Variants in SLC9C1 observed in about 807,000 individuals in gnomAD.
SLC9C1 encodes solute carrier family 9 member C1.
SLC9C1 carries 97 observed loss-of-function variants against 140.9 expected under a neutral mutation model. That is an observed-to-expected ratio of 0.69 (90% CI 0.58 to 0.82). SLC9C1 has a LOEUF of 0.82. Ranked by LOEUF, SLC9C1 falls within the 40% of genes least tolerant of loss-of-function variation. SLC9C1 has a pLI of 0.00. For missense variants in SLC9C1, 1,340 were observed against 1,389.3 expected (o/e 0.96, Z 0.56); for synonymous variants, 440 against 442.6 (o/e 0.99, Z 0.07).
intron 16 of SLC9C1, among the ~76,000 whole-genome samples, chr3:112,205,054 C>A (rs2078008146): frequency 1.3e-5 from 2 of 151,918 alleles, no homozygotes; most frequent in African/African-American, 4.8e-5. Context: ...CTGGCCAGGG[C>A]AATCAGGCAG....
intron 15 of SLC9C1, among the ~76,000 whole-genome samples, chr3:112,211,984 G>A (rs2078221045): frequency 6.6e-6 from 1 of 152,174 alleles, no homozygotes; most frequent in Non-Finnish European, 1.5e-5. Flanking sequence ...ACCTCACAAG[G>A]CCGAGTAACC....
At chr3:112,268,220 G>A (rs2079977021) in intron 7 of SLC9C1, among the ~76,000 whole-genome samples, 1 of 152,092 alleles carries the variant, frequency 6.6e-6, no homozygotes, top group South Asian at 2.1e-4. Context: ...TGAATTAACT[G>A]ATCATTCTCT....
At chr3:112,143,820 G>A (rs923364269) in intron 28 of SLC9C1, among the ~76,000 whole-genome samples, 6 of 152,082 alleles carry the variant, frequency 3.9e-5, no homozygotes, top group South Asian at 2.1e-4. Context: ...GGCCAGTGTC[G>A]AGAATAGTGT....
At chr3:112,147,920 T>C (rs2074852312) in intron 28 of SLC9C1, among the ~76,000 whole-genome samples, 1 of 152,220 alleles carries the variant, frequency 6.6e-6, no homozygotes, top group South Asian at 2.1e-4. Flanking sequence ...AAGTTTGATT[T>C]CTTTATATAA....
At chr3:112,172,427 T>G (rs963222765) in intron 23 of SLC9C1, among the ~76,000 whole-genome samples, 7 of 152,302 alleles carry the variant, frequency 4.6e-5, no homozygotes, top group African/African-American at 1.4e-4. Flanking sequence ...ACCATCTTAC[T>G]AAATTCATTA....
chr3:112,272,538 T>C (rs1352844516), intron 6 of SLC9C1, among the ~76,000 whole-genome samples: 3 of 152,226 alleles, frequency 2.0e-5, no homozygotes, highest in African/African-American at 4.8e-5. Flanking sequence ...TCAAATGAAA[T>C]AGCAGTAAAG....
In SLC9C1 at chr3:112,208,313, T is replaced by C. The variant is rs923891615; in HGVS notation, c.1851A>G (p.Gly617=). The part of the protein sequence containing the change: ...IVFTEEFEHV[G]YLVILMNIFP... ...ATATATTCATTAATATCACAAGGTA[T>C]CCAACATGTTCAAATTCCTCAGTAA... The change falls in exon 16 of 29, where the codon GGA becomes GGG. Residue 617 remains glycine (G), a synonymous_variant. Coordinates refer to ENST00000305815, the MANE Select transcript of SLC9C1 (RefSeq NM_183061.3). The C allele has an allele frequency of 6.2e-7, 1 of 1,607,472 alleles. No homozygotes were observed. Among genetic ancestry groups the C allele is most frequent in the East Asian group, 2.2e-5 (1 of 44,716 alleles).
chr3:112,201,934 T>A (rs755093975), intron 18 of SLC9C1, among the ~76,000 whole-genome samples: 2 of 152,006 alleles, frequency 1.3e-5, no homozygotes, highest in Non-Finnish European at 2.9e-5. Flanking sequence ...CAGTACTTCC[T>A]ATTTTACACA....
intron 2 of SLC9C1, among the ~76,000 whole-genome samples, chr3:112,285,036 G>C (rs7650498): frequency 0.6 from 83,811 of 139,226 alleles, 25,593 homozygotes; most frequent in East Asian, 0.79. Flanking sequence ...ACCCAGGCTG[G>C]AATGCAGTGG....
In SLC9C1 at chr3:112,206,746, G is replaced by A. The variant is rs556461592; in HGVS notation, c.1986+1432C>T. Among the ~76,000 whole-genome samples the A allele has an allele frequency of 3.2e-3, 477 of 148,676 alleles. 4 individuals carry two copies. Among genetic ancestry groups the A allele is most frequent in the African/African-American group, 0.011 (451 of 40,110 alleles). ...TTCTGAGCAAACTATCACAAGGACA[G>A]AAAACCAAACACCACATATTCTCAC... On this transcript the variant is annotated intron_variant, in intron 16 of 28. Transcript: ENST00000305815.
At chr3:112,272,144 T>C (rs1008423808) in intron 6 of SLC9C1, among the ~76,000 whole-genome samples, 4 of 152,204 alleles carry the variant, frequency 2.6e-5, no homozygotes, top group African/African-American at 9.7e-5. Context: ...GGCAATAATT[T>C]TGAGTCCAGC....
At chr3:112,213,454 G>C (rs1031256678) in intron 15 of SLC9C1, among the ~76,000 whole-genome samples, 2 of 152,136 alleles carry the variant, frequency 1.3e-5, no homozygotes, top group Non-Finnish European at 2.9e-5. Flanking sequence ...TCTGTATTCA[G>C]GGGACCCATC....
intron 10 of SLC9C1, among the ~76,000 whole-genome samples, chr3:112,251,438 T>C (rs1466938715): frequency 1.3e-5 from 2 of 152,044 alleles, no homozygotes; most frequent in East Asian, 1.9e-4. Context: ...AGAGCAGCCA[T>C]CCAAGCACAC....
At chr3:112,161,080 G>A (rs1400704456) in intron 26 of SLC9C1, among the ~76,000 whole-genome samples, 1 of 151,804 alleles carries the variant, frequency 6.6e-6, no homozygotes, top group African/African-American at 2.4e-5. Context: ...TTTGAGAAGT[G>A]TCTGTTCATG....
intron 10 of SLC9C1, among the ~76,000 whole-genome samples, chr3:112,252,828 T>C (rs1212822096): frequency 6.6e-6 from 1 of 151,970 alleles, no homozygotes; most frequent in Non-Finnish European, 1.5e-5. Context: ...GGGTCCATGA[T>C]CCCATTCCTC....
chr3:112,193,589 G>T (rs1453120653), intron 20 of SLC9C1, among the ~76,000 whole-genome samples: 1 of 152,086 alleles, frequency 6.6e-6, no homozygotes, highest in Non-Finnish European at 1.5e-5. Context: ...AGCCCATGGG[G>T]TTGTGTCTCA....
intron 28 of SLC9C1, among the ~76,000 whole-genome samples, chr3:112,142,789 A>G (rs1443548765): frequency 2.0e-5 from 3 of 152,082 alleles, no homozygotes; most frequent in Non-Finnish European, 4.4e-5. Flanking sequence ...TTACCTGGGT[A>G]TATTGCGTGA....
At chr3:112,154,913 A>T in intron 27 of SLC9C1, 84 bp downstream of exon 27, 1 of 1,329,966 alleles carries the variant, frequency 7.5e-7, no homozygotes, top group Non-Finnish European at 1.0e-6. Context: ...TTTCAGAATA[A>T]GAGAAACACA....
intron 13 of SLC9C1, among the ~76,000 whole-genome samples, chr3:112,223,165 TTA>T (rs1238284395): frequency 1.3e-5 from 2 of 152,042 alleles, no homozygotes; most frequent in African/African-American, 2.4e-5. Context: ...AAAACAAAAC[TTA>T]AAGTGTGAAA....
Sources: allele counts gnomAD v4.1 joint callset (sites outside exome capture counted in the v4.1 genomes callset), GRCh38; gene constraint gnomAD v4.1.1; transcripts MANE v1.5; gene names NCBI Gene and HGNC (gene_info 2026-07-23, HGNC 2026-07-21).